Variants in POU3F3 observed in about 807,000 individuals in gnomAD.
POU3F3 encodes POU class 3 homeobox 3, also known as POU domain, class 3, transcription factor 3.
A neutral mutation model predicts 8.6 loss-of-function variants in POU3F3; 1 was observed. That is an observed-to-expected ratio of 0.12 (90% CI 0.04 to 0.55). The LOEUF (loss-of-function observed/expected upper bound fraction) is 0.55. POU3F3 is among the 20% of genes least tolerant of loss of function. The pLI is 0.91. For synonymous variants in POU3F3, 418 were observed against 327.4 expected (o/e 1.28, Z -2.99); for missense variants, 577 against 690.7 (o/e 0.84, Z 1.84).
the POU3F3 span, among the ~76,000 whole-genome samples, chr2:104,886,524 G>T: frequency 2.6e-5 from 4 of 152,122 alleles, no homozygotes; most frequent in African/African-American, 9.7e-5. Context: ...CAGGAAAGGG[G>T]TCCCAATCCA....
chr2:104,901,367 G>T, the POU3F3 span, among the ~76,000 whole-genome samples: 1 of 152,180 alleles, frequency 6.6e-6, no homozygotes, highest in African/African-American at 2.4e-5. Flanking sequence ...TGGAGCGATC[G>T]ATATGTTTTG....
At chr2:104,868,495 T>G in the POU3F3 span, 72 of 391,410 alleles carry the variant, frequency 1.8e-4, no homozygotes, top group Admixed American at 4.4e-4. Flanking sequence ...CTCAGAAGCA[T>G]CGCTGCAGAC....
rs1676505413 is a variant in POU3F3 at position 104,854,392 on chromosome 2, C to T, written c.-1119C>T. ...TCGATCCCCTATATGCACACACACA[C>T]CTCCACCTCCACCAATGCACTCTTC... On this transcript the variant is annotated 5_prime_UTR_variant, in exon 1 of 1. Coordinates refer to ENST00000361360, the MANE Select transcript of POU3F3 (RefSeq NM_006236.3). The surrounding 1 kb of genome is among the most constrained non-coding windows in gnomAD (Gnocchi z 4.5). Among the ~76,000 whole-genome samples, 5 of 152,186 alleles carry T rather than the reference C, an allele frequency of 3.3e-5. No individual in the cohort carries two copies. Among genetic ancestry groups the T allele is most frequent in the Admixed American group, 3.3e-4 (5 of 15,282 alleles).
chr2:104,914,380 G>A, the POU3F3 span, among the ~76,000 whole-genome samples: 5 of 152,162 alleles, frequency 3.3e-5, no homozygotes, highest in African/African-American at 9.7e-5. Flanking sequence ...TCCTCTGATG[G>A]GTTGATTTAG....
chr2:104,863,159 AATTATTATTATTATTATTATTATT>A (rs3056838), downstream of POU3F3, among the ~76,000 whole-genome samples: 14 of 134,836 alleles, frequency 1.0e-4, no homozygotes, highest in African/African-American at 3.6e-4. Flanking sequence ...TCATAATAAC[AATTATTATTATTATTATTATTATT>A]ATTATTATTA....
rs1211630576 is a variant in POU3F3 at position 104,857,396 on chromosome 2, C to G, written c.*383C>G. The G allele has an allele frequency of 6.5e-6, 1 of 153,972 alleles. No individual in the cohort carries two copies. Among genetic ancestry groups the G allele is most frequent in the African/African-American group, 2.4e-5 (1 of 41,390 alleles). 9.5% of individuals were successfully genotyped at this position (153,972 alleles called of 1,614,324 possible). A position where few individuals can be genotyped will look rare whatever the true frequency, so the allele number is the denominator to read the frequency against. ...TCTCGTTCATACTGTGGTGGTGTTT[C>G]GTTTTTGTTTTTGTTTTTAAAGAAG... On this transcript the variant is annotated 3_prime_UTR_variant, in exon 1 of 1. Coordinates refer to ENST00000361360, the MANE Select transcript of POU3F3 (RefSeq NM_006236.3).
chr2:104,871,471 A>G, the POU3F3 span, among the ~76,000 whole-genome samples: 2 of 152,182 alleles, frequency 1.3e-5, no homozygotes, highest in East Asian at 3.8e-4. Context: ...GTCATTAGTA[A>G]TAAAGTCATT....
At chr2:104,887,884 G>C in the POU3F3 span, among the ~76,000 whole-genome samples, 4 of 152,238 alleles carry the variant, frequency 2.6e-5, no homozygotes, top group Non-Finnish European at 5.9e-5. Context: ...ACTAAAAACA[G>C]TGTTAAAAGC....
the POU3F3 span, among the ~76,000 whole-genome samples, chr2:104,920,609 C>CA: frequency 6.6e-6 from 1 of 152,044 alleles, no homozygotes; most frequent in Admixed American, 6.5e-5. Context: ...TTTACCATAC[C>CA]ATAAAAAGGG....
At chr2:104,920,023 A>G in the POU3F3 span, among the ~76,000 whole-genome samples, 1 of 151,292 alleles carries the variant, frequency 6.6e-6, no homozygotes, top group Non-Finnish European at 1.5e-5. Context: ...TTATTTTTTT[A>G]TTATTATTTG....
rs1051509901 is a variant in POU3F3 at position 104,855,002 on chromosome 2, G to A, written c.-509G>A. Reference sequence around the variant, plus strand: ...GGACGGAGCCCCGCGACCGGGCAGAGTCCGGGCTCGCCCGAGGACAGGAGG... The same window carrying A: ...GGACGGAGCCCCGCGACCGGGCAGAATCCGGGCTCGCCCGAGGACAGGAGG... On this transcript the variant is annotated 5_prime_UTR_variant, in exon 1 of 1. Coordinates refer to ENST00000361360, the MANE Select transcript of POU3F3 (RefSeq NM_006236.3). Among the ~76,000 whole-genome samples the A allele has an allele frequency of 2.0e-5, 3 of 152,192 alleles. No homozygotes were observed. Among genetic ancestry groups the A allele is most frequent in the African/African-American group, 7.2e-5 (3 of 41,454 alleles).
At chr2:104,889,564 G>A in the POU3F3 span, among the ~76,000 whole-genome samples, 135 of 152,306 alleles carry the variant, frequency 8.9e-4, no homozygotes, top group African/African-American at 3.1e-3. Flanking sequence ...CAGAGGAACT[G>A]AGTAACTCAG....
chr2:104,874,794 G>A, the POU3F3 span, among the ~76,000 whole-genome samples: 1 of 152,204 alleles, frequency 6.6e-6, no homozygotes, highest in Admixed American at 6.5e-5. Flanking sequence ...AGAACACGAT[G>A]TCAGATGTTC....
chr2:104,908,752 A>T, the POU3F3 span, among the ~76,000 whole-genome samples: 13 of 152,256 alleles, frequency 8.5e-5, no homozygotes, highest in Middle Eastern at 3.2e-3. Context: ...GGTCTACAGC[A>T]AAGAATGTAA....
upstream of POU3F3, among the ~76,000 whole-genome samples, chr2:104,853,991 G>A (rs1421000003): frequency 6.6e-6 from 1 of 152,220 alleles, no homozygotes; most frequent in African/African-American, 2.4e-5. Context: ...CTCGCGTCCT[G>A]AGCCAGTCAT....
the POU3F3 span, among the ~76,000 whole-genome samples, chr2:104,922,471 T>C: frequency 3.6e-5 from 5 of 139,062 alleles, no homozygotes; most frequent in Admixed American, 2.8e-4. Context: ...AAAATATCAA[T>C]AGAAGAAACC....
chr2:104,863,187 ATTATTAT>A (rs1676686718), downstream of POU3F3, among the ~76,000 whole-genome samples: 1 of 146,436 alleles, frequency 6.8e-6, no homozygotes, highest in African/African-American at 2.5e-5. Flanking sequence ...TATTATTATT[ATTATTAT>A]TATTATTATT....
At chr2:104,853,821 C>G (rs1325930332), upstream of POU3F3, 1 of 150,292 alleles carries the variant, frequency 6.7e-6, no homozygotes, top group East Asian at 2.0e-4. Flanking sequence ...ACGTCTGGGC[C>G]GGACACTAAG....
At chr2:104,897,395 A>G in the POU3F3 span, among the ~76,000 whole-genome samples, 1 of 152,102 alleles carries the variant, frequency 6.6e-6, no homozygotes, top group Non-Finnish European at 1.5e-5. Flanking sequence ...TTTTGGTAGA[A>G]CCACACCTGG....
Sources: allele counts gnomAD v4.1 joint callset (sites outside exome capture counted in the v4.1 genomes callset), GRCh38; gene constraint gnomAD v4.1.1; non-coding constraint Gnocchi (gnomAD v3.1); transcripts MANE v1.5; gene names NCBI Gene and HGNC (gene_info 2026-07-23, HGNC 2026-07-21).